RTL4: variants seen among roughly 807,000 people sequenced by gnomAD.
RTL4 encodes retrotransposon Gag like 4.
RTL4 carries 4 observed loss-of-function variants against 5.3 expected under a neutral mutation model. That is an observed-to-expected ratio of 0.75 (90% CI 0.37 to 1.72). The LOEUF is 1.72. RTL4 is among the 40% of genes most tolerant of loss of function. The pLI, the probability that RTL4 is intolerant of heterozygous loss-of-function variation, is 0.04. For missense variants in RTL4, 260 were observed against 227.1 expected (o/e 1.14, Z -0.93); for synonymous variants, 98 against 87.3 (o/e 1.12, Z -0.68).
the RTL4 span, among the ~76,000 whole-genome samples, chrX:112,120,721 G>C: frequency 9.1e-6 from 1 of 110,417 alleles, no homozygotes; most frequent in Non-Finnish European, 1.9e-5. Context: ...AAATACCTAA[G>C]TGTAGTGGCC....
the RTL4 span, among the ~76,000 whole-genome samples, chrX:112,188,719 C>A: frequency 4.8e-5 from 5 of 103,630 alleles, no homozygotes; most frequent in African/African-American, 7.2e-5. Flanking sequence ...AACAAACAAA[C>A]AAACAAACAC....
chrX:112,112,808 C>T, the RTL4 span, among the ~76,000 whole-genome samples: 2,651 of 111,593 alleles, frequency 0.024, 95 homozygotes, highest in African/African-American at 0.082. Context: ...TAAGTTGGGA[C>T]GTGTGGTCTC....
chrX:112,401,387 A>G, the RTL4 span, among the ~76,000 whole-genome samples: 1 of 111,317 alleles, frequency 9.0e-6, no homozygotes, highest in African/African-American at 3.3e-5. Flanking sequence ...TCTATATCCT[A>G]TCTACTGCTG....
chrX:112,219,122 T>C, the RTL4 span, among the ~76,000 whole-genome samples: 8 of 111,613 alleles, frequency 7.2e-5, no homozygotes, highest in Non-Finnish European at 9.4e-5. Flanking sequence ...AGCAGTGATC[T>C]CCAAAATGGT....
At chrX:112,325,135 C>G in the RTL4 span, among the ~76,000 whole-genome samples, 1 of 111,016 alleles carries the variant, frequency 9.0e-6, no homozygotes, top group Admixed American at 9.6e-5. Flanking sequence ...AACCGCTGCT[C>G]GATGAAATAA....
chrX:112,093,999 A>G, the RTL4 span, among the ~76,000 whole-genome samples: 1 of 112,076 alleles, frequency 8.9e-6, no homozygotes, highest in Non-Finnish European at 1.9e-5. Context: ...CATCCTAAGA[A>G]CAATGAGAAG....
At chrX:112,181,302 A>G in the RTL4 span, among the ~76,000 whole-genome samples, 1 of 111,317 alleles carries the variant, frequency 9.0e-6, no homozygotes, top group African/African-American at 3.3e-5. Context: ...TCCATACCCC[A>G]GTGGCACCTG....
the RTL4 span, among the ~76,000 whole-genome samples, chrX:112,337,649 T>C: frequency 4.5e-5 from 5 of 112,003 alleles, no homozygotes; most frequent in African/African-American, 1.6e-4. Context: ...AATGCTCTTA[T>C]TTCTTATTCA....
the RTL4 span, among the ~76,000 whole-genome samples, chrX:112,161,841 C>T: frequency 4.3e-5 from 2 of 45,986 alleles, no homozygotes; most frequent in African/African-American, 7.1e-5. Context: ...TCCTTCCTTC[C>T]TTCCTTTCTT....
the RTL4 span, among the ~76,000 whole-genome samples, chrX:112,201,035 A>G: frequency 3.6e-5 from 4 of 111,825 alleles, no homozygotes; most frequent in Non-Finnish European, 5.6e-5. Context: ...TAAAGAAAAG[A>G]GGTTTAATTG....
chrX:112,278,619 C>A, the RTL4 span, among the ~76,000 whole-genome samples: 1 of 111,459 alleles, frequency 9.0e-6, no homozygotes, highest in East Asian at 2.8e-4. Flanking sequence ...GACTATACTA[C>A]CTATAGTGAA....
At chrX:112,364,071 C>G in the RTL4 span, among the ~76,000 whole-genome samples, 1 of 112,220 alleles carries the variant, frequency 8.9e-6, no homozygotes, top group African/African-American at 3.2e-5. Context: ...GTCACTTAGT[C>G]AGGACTTGTT....
the RTL4 span, among the ~76,000 whole-genome samples, chrX:112,300,569 G>A: frequency 1.8e-5 from 2 of 112,245 alleles, no homozygotes; most frequent in Non-Finnish European, 3.8e-5. Context: ...GTGAAAGGAT[G>A]TTCACTAAAC....
chrX:112,145,240 CTTAA>C, the RTL4 span, among the ~76,000 whole-genome samples: 3 of 111,697 alleles, frequency 2.7e-5, no homozygotes, highest in South Asian at 1.1e-3. Context: ...ATGGATCCTT[CTTAA>C]TTACTCTATT....
At chrX:112,231,811 C>T in the RTL4 span, among the ~76,000 whole-genome samples, 3 of 110,621 alleles carry the variant, frequency 2.7e-5, no homozygotes, top group East Asian at 8.6e-4. Flanking sequence ...TGTTATTGTC[C>T]CTATTTTACA....
At chrX:112,442,663 G>A in the RTL4 span, among the ~76,000 whole-genome samples, 14 of 111,919 alleles carry the variant, frequency 1.3e-4, no homozygotes, top group Non-Finnish European at 2.6e-4. Flanking sequence ...TGCAACCCCA[G>A]CTATTGTTTT....
chrX:112,310,203 G>C, the RTL4 span, among the ~76,000 whole-genome samples: 1 of 98,231 alleles, frequency 1.0e-5, no homozygotes, highest in Non-Finnish European at 2.0e-5. Flanking sequence ...GTTAGGTTTA[G>C]ATGAGGTCAT....
At chrX:112,128,387 G>A in the RTL4 span, among the ~76,000 whole-genome samples, 3 of 111,550 alleles carry the variant, frequency 2.7e-5, no homozygotes, top group African/African-American at 9.8e-5. Flanking sequence ...CTTGGGGCCC[G>A]GCGCGGTGGC....
the RTL4 span, among the ~76,000 whole-genome samples, chrX:112,255,664 C>T: frequency 4.5e-5 from 5 of 111,807 alleles, no homozygotes; most frequent in African/African-American, 1.6e-4. Context: ...TTCCCTTAAC[C>T]TATATGATTA....
Sources: allele counts gnomAD v4.1 joint callset (sites outside exome capture counted in the v4.1 genomes callset), GRCh38; gene constraint gnomAD v4.1.1; transcripts MANE v1.5; gene names NCBI Gene and HGNC (gene_info 2026-07-23, HGNC 2026-07-21).